The following DPEP1 variants were observed in gnomAD, a reference collection of about 807,000 sequenced individuals.
DPEP1 encodes dipeptidase 1, also known as beta-lactamase.
DPEP1 carries 50 observed loss-of-function variants against 42.3 expected under a neutral mutation model. The observed-to-expected ratio is 1.18, with a 90% CI of 0.94 to 1.50. The LOEUF (loss-of-function observed/expected upper bound fraction) is 1.50, where lower values mean the gene tolerates loss of function less well. Among genes scored for constraint, DPEP1 ranks in the 40% most tolerant of loss-of-function variants. DPEP1 has a pLI of 0.00. For missense variants in DPEP1, 663 were observed against 553.0 expected (o/e 1.20, Z -1.99); for synonymous variants, 297 against 234.0 (o/e 1.27, Z -2.46).
At chr16:89,614,143 G>A (rs1377755713) in intron 1 of DPEP1, among the ~76,000 whole-genome samples, 1 of 152,080 alleles carries the variant, frequency 6.6e-6, no homozygotes, top group Non-Finnish European at 1.5e-5. Flanking sequence ...GACTCAAGGA[G>A]GTGGGAGAGC....
intron 1 of DPEP1, among the ~76,000 whole-genome samples, chr16:89,626,708 G>A (rs965692836): frequency 2.6e-5 from 4 of 151,234 alleles, no homozygotes; most frequent in Admixed American, 1.3e-4. Flanking sequence ...TCTCTCCCCC[G>A]CTGCCATTTA....
intron 2 of DPEP1, among the ~76,000 whole-genome samples, chr16:89,633,165 G>A (rs1439879394): frequency 1.3e-5 from 2 of 152,180 alleles, no homozygotes; most frequent in Non-Finnish European, 2.9e-5. Context: ...CGATGAGGCT[G>A]CTGCCCGGGC....
chr16:89,616,403 G>GAGGGGAGAC (rs1414712640), intron 1 of DPEP1, among the ~76,000 whole-genome samples: 1 of 152,174 alleles, frequency 6.6e-6, no homozygotes, highest in African/African-American at 2.4e-5. Flanking sequence ...GGGCGGAAAG[G>GAGGGGAGAC]AGGGGAGACA....
At chr16:89,639,089 GCACA>G (rs1190785697), downstream of DPEP1, among the ~76,000 whole-genome samples, 1 of 25,772 alleles carries the variant, frequency 3.9e-5, no homozygotes. Context: ...CCCCATTCCT[GCACA>G]CACACACCCC....
intron 1 of DPEP1, 126 bp from the exon 2 acceptor site, chr16:89,630,179 C>T (rs148404676): frequency 2.1e-5 from 8 of 385,312 alleles, no homozygotes; most frequent in Non-Finnish European, 2.9e-5. Flanking sequence ...ATTGAGTGTC[C>T]GGCCTTCCAT....
At chr16:89,630,538 G>A (rs2059570979) in intron 2 of DPEP1, 24 bp downstream of exon 2, 3 of 1,491,032 alleles carry the variant, frequency 2.0e-6, no homozygotes, top group Non-Finnish European at 2.7e-6. Context: ...TGAGCCAGGT[G>A]CTTAGGGAAC....
At position 89,638,230 on chromosome 16, in the gene DPEP1, G is replaced by A; in HGVS notation, c.*8G>A. 1 of 1,542,746 alleles carries A rather than the reference G, an allele frequency of 6.5e-7. No individual in the cohort carries two copies. The highest frequency in any genetic ancestry group is 1.9e-4 in the Middle Eastern group (1 of 5,230). On this transcript the variant is annotated 3_prime_UTR_variant, in exon 11 of 11. Transcript: ENST00000690203. ...TGTCTGTCTCTCCTGTGAAACCTGG[G>A]AGACCAGAGTCCCCTTTAGGGTTCC...
chr16:89,630,420 G>A lies in DPEP1; in HGVS notation c.10G>A (p.Gly4Arg), dbSNP rs150374214. 6.8e-5 allele frequency: 109 copies of A among 1,610,370 alleles called. No individual in the cohort carries two copies. The African/African-American group carries it at 7.8e-4, about 12-fold the overall frequency. Residue 4 changes from glycine to arginine, a missense_variant, in exon 2 of 11, where the codon GGA becomes AGA. Gly to Arg is a moderately radical substitution (Grantham distance 125). Coordinates refer to ENST00000690203, the MANE Select transcript of DPEP1 (RefSeq NM_001389466.1). MWS[G>R]WWLWPLVAVC... ...CCCCGGGGACCCCACCATGTGGAGC[G>A]GATGGTGGCTGTGGCCCCTTGTGGC...
At chr16:89,615,783 G>A (rs889249206) in intron 1 of DPEP1, among the ~76,000 whole-genome samples, 6 of 152,328 alleles carry the variant, frequency 3.9e-5, no homozygotes, top group South Asian at 4.1e-4. Flanking sequence ...CCAGGCAGGC[G>A]GTCAACACGG....
At chr16:89,616,328 G>T (rs1260425966) in intron 1 of DPEP1, among the ~76,000 whole-genome samples, 2 of 152,146 alleles carry the variant, frequency 1.3e-5, no homozygotes, top group African/African-American at 4.8e-5. Context: ...ACCCACTCCG[G>T]GGCTGACCGG....
At chr16:89,630,022 G>C (rs1215028513) in intron 1 of DPEP1, among the ~76,000 whole-genome samples, 1 of 152,182 alleles carries the variant, frequency 6.6e-6, no homozygotes, top group Non-Finnish European at 1.5e-5. Context: ...AATAACAGTA[G>C]CACAGCTAGA....
In DPEP1 at chr16:89,637,481, G is replaced by C; in HGVS notation, c.782G>C (p.Ser261Thr). 6.2e-7 allele frequency: 1 copy of C among 1,612,876 alleles called. No individual in the cohort carries two copies. The highest frequency in any genetic ancestry group is 2.2e-5 in the East Asian group (1 of 44,882). ...CTTCTTGTGCAGAAACAGACAGACA[G>C]CCTGGTGATGGTGAACTTCTACAAC... ...DVLRLVKQTD[S>T]LVMVNFYNNY... is the part of the protein sequence containing the mutation. Residue 261 changes from serine to threonine, a missense_variant, in exon 8 of 11, where the codon AGC becomes ACC. By Grantham distance (58) the Ser-to-Thr change is moderately conservative. Coordinates refer to ENST00000690203, the MANE Select transcript of DPEP1 (RefSeq NM_001389466.1).
At chr16:89,636,105 G>A (rs113808254) in intron 3 of DPEP1, 65 bp downstream of exon 3, 1 of 1,556,456 alleles carries the variant, frequency 6.4e-7, no homozygotes. Context: ...CTCAGGCCTG[G>A]CTACAGTGGG....
At chr16:89,614,412 C>A (rs76288850) in intron 1 of DPEP1, among the ~76,000 whole-genome samples, 2,827 of 152,318 alleles carry the variant, frequency 0.019, 106 homozygotes, top group African/African-American at 0.065. Flanking sequence ...ATTCTCTGCG[C>A]AGTCATCTGC....
At chr16:89,629,052 C>G (rs1009146941) in intron 1 of DPEP1, among the ~76,000 whole-genome samples, 1 of 152,148 alleles carries the variant, frequency 6.6e-6, no homozygotes, top group African/African-American at 2.4e-5. Flanking sequence ...GTCTTGAACT[C>G]CTGACCTCAA....
At chr16:89,637,076 G>C in intron 6 of DPEP1, 128 bp from the exon 7 acceptor site, 1 of 1,526,064 alleles carries the variant, frequency 6.6e-7, no homozygotes, top group South Asian at 1.2e-5. Context: ...CCCAGGGTGG[G>C]TGCTGAGCCC....
intron 3 of DPEP1, 46 bp downstream of exon 3, chr16:89,636,086 G>C: frequency 6.3e-7 from 1 of 1,575,156 alleles, no homozygotes; most frequent in Non-Finnish European, 8.6e-7. Context: ...GGGTCATCCC[G>C]TCTCCTACCT....
At chr16:89,626,032 G>A (rs941490458) in intron 1 of DPEP1, among the ~76,000 whole-genome samples, 1 of 152,148 alleles carries the variant, frequency 6.6e-6, no homozygotes, top group African/African-American at 2.4e-5. Flanking sequence ...TTTCGGCCCC[G>A]GTCTGGTGCT....
chr16:89,622,275 G>A (rs1225596782), intron 1 of DPEP1, among the ~76,000 whole-genome samples: 1 of 152,178 alleles, frequency 6.6e-6, no homozygotes, highest in East Asian at 1.9e-4. Context: ...GGGGAGGGGA[G>A]AGGCAGGAGG....
Sources: allele counts gnomAD v4.1 joint callset (sites outside exome capture counted in the v4.1 genomes callset), GRCh38; gene constraint gnomAD v4.1.1; transcripts MANE v1.5; gene names NCBI Gene and HGNC (gene_info 2026-07-23, HGNC 2026-07-21).